Variants in POLR3C observed in about 807,000 individuals in gnomAD.
The protein encoded by POLR3C is DNA-directed RNA polymerase III subunit RPC3.
Under a neutral mutation model 65.9 loss-of-function variants are expected in POLR3C, and 44 were observed. That is an observed-to-expected ratio of 0.67 (90% CI 0.52 to 0.86). The LOEUF (loss-of-function observed/expected upper bound fraction) is 0.86. Ranked by LOEUF, POLR3C falls within the 40% of genes least tolerant of loss-of-function variation. The pLI is 0.00. For missense variants in POLR3C, 576 were observed against 653.2 expected (o/e 0.88, Z 1.29); for synonymous variants, 263 against 231.6 (o/e 1.14, Z -1.23).
In POLR3C at chr1:145,840,935, A is replaced by G; in HGVS notation, c.1387A>G (p.Lys463Glu). Residue 463 changes from lysine (K) to glutamate (E), a missense_variant, in exon 14 of 15, where the codon AAA becomes GAA. Coordinates refer to ENST00000334163, the MANE Select transcript of POLR3C (RefSeq NM_006468.8). ...TTTGTTTGACAGGCGTCTACTAGAA[A>G]AATCTCAGAGGGTAGAAGCCATCAT... Reference protein sequence around the residue: ...ETKENKRLLEKSQRVEAIIAS... With the variant: ...ETKENKRLLEESQRVEAIIAS... The G allele has an allele frequency of 6.2e-7, 1 of 1,613,464 alleles. No individual in the cohort carries two copies. Among genetic ancestry groups the G allele is most frequent in the Non-Finnish European group, 8.5e-7 (1 of 1,179,416 alleles).
Position 145,839,773 on chromosome 1 carries a change from A to G in POLR3C, c.1222-117A>G, listed in dbSNP as rs1200478035. Reference sequence around the variant, plus strand: ...TAAACACAGGTACTGAATGACTAGGAAACAGGAAAGTGTAAGTAAAAAGGA... The same window carrying G: ...TAAACACAGGTACTGAATGACTAGGGAACAGGAAAGTGTAAGTAAAAAGGA... On this transcript the variant is annotated intron_variant, in intron 11 of 14. Coordinates refer to ENST00000334163, the MANE Select transcript of POLR3C (RefSeq NM_006468.8). The G allele has an allele frequency of 4.5e-6, 3 of 659,340 alleles. No homozygotes were observed. In the East Asian group the frequency reaches 7.7e-5, roughly 17 times the overall value. The allele number at this position is 659,340 out of a possible 1,614,324, so 40.8% of individuals were successfully genotyped here.
Position 145,842,618 on chromosome 1 carries a change from T to G in POLR3C, c.*198T>G. ...TGCTGTAGTCTCCCCTCATCAAATCTTGGCAGTGGGAAGAACCTTAAATCA... is the reference window on the plus strand; with the variant it reads ...TGCTGTAGTCTCCCCTCATCAAATCGTGGCAGTGGGAAGAACCTTAAATCA... On this transcript the variant is annotated 3_prime_UTR_variant, in exon 15 of 15. Coordinates refer to ENST00000334163, the MANE Select transcript of POLR3C (RefSeq NM_006468.8). 1 of 599,414 alleles carries G rather than the reference T, an allele frequency of 1.7e-6. No homozygotes were observed. The highest frequency in any genetic ancestry group is 3.0e-6 in the Non-Finnish European group (1 of 337,260). 37.1% of individuals were successfully genotyped at this position (599,414 alleles called of 1,614,324 possible). A position where few individuals can be genotyped will look rare whatever the true frequency, so the allele number is the denominator to read the frequency against.
At position 145,842,515 on chromosome 1, in the gene POLR3C, G is replaced by A; in HGVS notation, c.*95G>A. 1.2e-6 allele frequency: 1 copy of A among 854,302 alleles called. No individual in the cohort carries two copies. Among genetic ancestry groups the A allele is most frequent in the Non-Finnish European group, 2.0e-6 (1 of 499,576 alleles). 52.9% of individuals were successfully genotyped at this position (854,302 alleles called of 1,614,324 possible). On this transcript the variant is annotated 3_prime_UTR_variant, in exon 15 of 15. Coordinates refer to ENST00000334163, the MANE Select transcript of POLR3C (RefSeq NM_006468.8). ...ATTATTTGCAGTGGGATAAGTCGCAGAGTCTTCAACTAAACCCCCCTCTCT... is the reference window on the plus strand; with the variant it reads ...ATTATTTGCAGTGGGATAAGTCGCAAAGTCTTCAACTAAACCCCCCTCTCT...
chr1:145,831,744 A>G (rs2101640961), intron 5 of POLR3C, among the ~76,000 whole-genome samples: 1 of 152,322 alleles, frequency 6.6e-6, no homozygotes, highest in South Asian at 2.1e-4. Context: ...AAGTAACGCC[A>G]AGAAAAAATG....
chr1:145,842,736 A>G lies in POLR3C; in HGVS notation c.*316A>G, dbSNP rs1395847700. Reference sequence around the variant, plus strand: ...TATCCCTGGCAATAGGAAACTTCCTAAGAAGTTAATTTTATTTTCAGATGT... The same window carrying G: ...TATCCCTGGCAATAGGAAACTTCCTGAGAAGTTAATTTTATTTTCAGATGT... On this transcript the variant is annotated 3_prime_UTR_variant, in exon 15 of 15. Coordinates refer to ENST00000334163, the MANE Select transcript of POLR3C (RefSeq NM_006468.8). 6.7e-6 allele frequency among the ~76,000 whole-genome samples: 1 copy of G among 149,558 alleles called. No individual in the cohort carries two copies. The highest frequency in any genetic ancestry group is 1.5e-5 in the Non-Finnish European group (1 of 67,996).
intron 7 of POLR3C, 96 bp from the exon 8 acceptor site, chr1:145,836,398 G>C (rs1156792671): frequency 2.6e-6 from 2 of 769,980 alleles, no homozygotes; most frequent in African/African-American, 3.4e-5. Flanking sequence ...CGGATTACAG[G>C]CCTTAGCCAC....
At chr1:145,832,702 A>G in intron 5 of POLR3C, among the ~76,000 whole-genome samples, 1 of 152,128 alleles carries the variant, frequency 6.6e-6, no homozygotes, top group East Asian at 1.9e-4. Context: ...CAAGTTGGAG[A>G]CTTGAAAGTA....
chr1:145,832,644 T>C (rs1366776498), intron 5 of POLR3C, among the ~76,000 whole-genome samples: 1 of 152,116 alleles, frequency 6.6e-6, no homozygotes, highest in Non-Finnish European at 1.5e-5. Context: ...ATTTTCTCTG[T>C]GAAATGAGAG....
Position 145,824,214 on chromosome 1 carries a change from T to C in POLR3C, c.-176T>C, listed in dbSNP as rs1185476753. ...AACTCTGGGGTAGAGTGGCACGCGC[T>C]TTTTGCTTTTCCGCGTCTTCTTCGG... On this transcript the variant is annotated 5_prime_UTR_variant, in exon 1 of 15. Transcript: ENST00000334163. 6.6e-6 allele frequency: 2 copies of C among 301,092 alleles called. No individual in the cohort carries two copies. Among genetic ancestry groups the C allele is most frequent in the African/African-American group, 4.5e-5 (2 of 44,468 alleles). 18.7% of individuals were successfully genotyped at this position (301,092 alleles called of 1,614,324 possible). A position where few individuals can be genotyped will look rare whatever the true frequency, so the allele number is the denominator to read the frequency against.
chr1:145,824,511 GA>G (rs1650529326), intron 1 of POLR3C, 142 bp downstream of exon 1: 1 of 1,288,450 alleles, frequency 7.8e-7, no homozygotes, highest in Non-Finnish European at 1.0e-6. Flanking sequence ...AAGGATCTGG[GA>G]ATGCTTCTCC....
At position 145,825,868 on chromosome 1, in the gene POLR3C, C is replaced by T. The variant is rs587726704; in HGVS notation, c.92C>T (p.Thr31Ile). The T allele has an allele frequency of 6.4e-5, 103 of 1,613,432 alleles. No individual in the cohort carries two copies. The South Asian group carries it at 1.1e-3, about 17-fold the overall frequency. Residue 31 changes from threonine (T) to isoleucine (I), a missense_variant, in exon 2 of 15, where the codon ACC becomes ATC. By Grantham distance (89) the Thr-to-Ile change is moderately conservative (BLOSUM62 -1). Coordinates refer to ENST00000334163, the MANE Select transcript of POLR3C (RefSeq NM_006468.8). Reference sequence around the variant, plus strand: ...AAAATTGGAGTCCATCTGATAAGAACCGGCAGCCAGCCACTAAGAGTAATT... The same window carrying T: ...AAAATTGGAGTCCATCTGATAAGAATCGGCAGCCAGCCACTAAGAGTAATT... Reference protein sequence around the residue: ...VEKIGVHLIRTGSQPLRVIAH... With the variant: ...VEKIGVHLIRIGSQPLRVIAH...
In POLR3C at chr1:145,836,477, T is replaced by G; in HGVS notation, c.877-17T>G. The G allele has an allele frequency of 1.2e-5, 17 of 1,474,346 alleles. 1 individual carries two copies. Among genetic ancestry groups the G allele is most frequent in the Non-Finnish European group, 1.6e-5 (17 of 1,053,822 alleles). 91.3% of individuals were successfully genotyped at this position (1,474,346 alleles called of 1,614,324 possible). On this transcript the variant is annotated splice_polypyrimidine_tract_variant and intron_variant, in intron 7 of 14. Coordinates refer to ENST00000334163, the MANE Select transcript of POLR3C (RefSeq NM_006468.8). The stretch of plus-strand genomic sequence containing the variant: ...TCTAAGTTCCCAAACCCATTTTAAG[T>G]GTCCTTTGCTCCATAGATCTTCAGA...
intron 14 of POLR3C, among the ~76,000 whole-genome samples, chr1:145,841,524 A>G (rs1652293298): frequency 6.6e-6 from 1 of 152,092 alleles, no homozygotes; most frequent in South Asian, 2.1e-4. Context: ...TTCAGTGCAC[A>G]ATTTGTGCAC....
Position 145,826,634 on chromosome 1 carries a change from C to A in POLR3C, c.328C>A (p.Leu110Ile), listed in dbSNP as rs587760675. The A allele has an allele frequency of 1.2e-6, 2 of 1,613,968 alleles. No individual in the cohort carries two copies. Among genetic ancestry groups the A allele is most frequent in the African/African-American group, 2.7e-5 (2 of 74,892 alleles). ...SDTGELIVEELLLNGKLTMSA... is the reference protein window; with the variant it reads ...SDTGELIVEEILLNGKLTMSA... ...CACTGGAGAGCTGATTGTTGAGGAG[C>A]TTCTGTTGAACGGCAAACTGACAAT... Residue 110 changes from leucine (L) to isoleucine (I), a missense_variant, in exon 3 of 15, where the codon CTT (leucine) becomes ATT (isoleucine). Leu to Ile is a conservative substitution (Grantham distance 5). Coordinates refer to ENST00000334163, the MANE Select transcript of POLR3C (RefSeq NM_006468.8).
chr1:145,837,555 A>T lies in POLR3C; in HGVS notation c.1029A>T (p.Ala343=), dbSNP rs1285908179. The change falls in exon 10 of 15, where the codon GCA becomes GCT. Residue 343 remains alanine, a synonymous_variant. Transcript: ENST00000334163. ...MYVINLHKAL[A]SLATATLESV... is the part of the protein sequence containing the mutation. ...ATAAAGACCTCCATAAGGCATTAGC[A>T]TCCCTAGCCACAGCCACTCTGGAGT... 6.2e-7 allele frequency: 1 copy of T among 1,605,704 alleles called. No homozygotes were observed. Among genetic ancestry groups the T allele is most frequent in the Admixed American group, 1.7e-5 (1 of 58,464 alleles).
chr1:145,830,798 C>CAAAA (rs143384623), intron 5 of POLR3C, among the ~76,000 whole-genome samples: 1 of 139,112 alleles, frequency 7.2e-6, no homozygotes, highest in South Asian at 2.3e-4. Flanking sequence ...GACTCCATCT[C>CAAAA]AAAAAAAAAA....
At chr1:145,830,202 T>TA (rs35376292) in intron 5 of POLR3C, among the ~76,000 whole-genome samples, 70 of 142,170 alleles carry the variant, frequency 4.9e-4, no homozygotes, top group Middle Eastern at 3.5e-3. Flanking sequence ...CAAAACAGTT[T>TA]AAAAAAAAAA....
At chr1:145,824,563 G>C in intron 1 of POLR3C, 194 bp downstream of exon 1, 1 of 1,281,498 alleles carries the variant, frequency 7.8e-7, no homozygotes, top group Non-Finnish European at 1.0e-6. Context: ...TGGTGATACT[G>C]AGGCGGGGTG....
In POLR3C at chr1:145,826,611, C is replaced by G. The variant is rs199834538; in HGVS notation, c.305C>G (p.Thr102Ser). 122 of 1,613,996 alleles carry G rather than the reference C, an allele frequency of 7.6e-5. No individual in the cohort carries two copies. The highest frequency in any genetic ancestry group is 1.0e-4 in the Non-Finnish European group (120 of 1,179,980). ...ACTACCAAAACTCTGTACAGTGACA[C>G]TGGAGAGCTGATTGTTGAGGAGCTT... is the stretch of plus-strand genomic sequence containing the variant. ...IYTTKTLYSDTGELIVEELLL... is the reference protein window; with the variant it reads ...IYTTKTLYSDSGELIVEELLL... Residue 102 changes from threonine (T) to serine (S), a missense_variant, in exon 3 of 15, where the codon ACT becomes AGT. Thr to Ser is a moderately conservative substitution (Grantham distance 58). Coordinates refer to ENST00000334163, the MANE Select transcript of POLR3C (RefSeq NM_006468.8).
Sources: gnomAD v4.1 joint callset for allele counts (sites outside exome capture counted in the v4.1 genomes callset) on GRCh38, gnomAD v4.1.1 for gene constraint, MANE v1.5 for transcripts, NCBI Gene and HGNC (gene_info 2026-07-23, HGNC 2026-07-21) for gene names.